The following PTPRM variants were observed in gnomAD, a reference collection of about 807,000 sequenced individuals.
The protein encoded by PTPRM is receptor-type tyrosine-protein phosphatase mu.
In PTPRM, 47 loss-of-function variants were observed where a neutral mutation model predicts 186.7. The observed-to-expected ratio is 0.25, with a 90% CI of 0.20 to 0.32. The LOEUF (loss-of-function observed/expected upper bound fraction) is 0.32, where lower values mean the gene tolerates loss of function less well. Among genes scored for constraint, PTPRM ranks in the 10% least tolerant of loss-of-function variants. The pLI is 1.00. For missense variants in PTPRM, 1,494 were observed against 1,865.0 expected, an observed-to-expected ratio of 0.80 and a Z score of 3.66; for synonymous variants, 668 against 674.9, an observed-to-expected ratio of 0.99 and a Z score of 0.16.
chr18:7,718,715 A>G (rs948066371), intron 1 of PTPRM, among the ~76,000 whole-genome samples: 1 of 152,334 alleles, frequency 6.6e-6, no homozygotes, highest in Admixed American at 6.5e-5. Flanking sequence ...CAAATCAGCC[A>G]GAAAGAAATA....
chr18:7,907,752 A>ATGTGTG (rs112103046), intron 4 of PTPRM, among the ~76,000 whole-genome samples: 3 of 149,668 alleles, frequency 2.0e-5, no homozygotes, highest in Admixed American at 6.7e-5. Context: ...AACACCGCAA[A>ATGTGTG]TGTGTGTGTG....
At chr18:7,671,359 G>A (rs2039214412) in intron 1 of PTPRM, among the ~76,000 whole-genome samples, 1 of 152,152 alleles carries the variant, frequency 6.6e-6, no homozygotes, top group African/African-American at 2.4e-5. Context: ...ACCAGGATGT[G>A]TGCTTTGGTC....
At chr18:8,004,002 G>GC (rs1417883070) in intron 7 of PTPRM, among the ~76,000 whole-genome samples, 2 of 152,134 alleles carry the variant, frequency 1.3e-5, no homozygotes, top group South Asian at 2.1e-4. Flanking sequence ...TTTTCTGATG[G>GC]CCCAGTGTTG....
At chr18:7,588,427 A>G (rs1018694525) in intron 1 of PTPRM, among the ~76,000 whole-genome samples, 2 of 152,174 alleles carry the variant, frequency 1.3e-5, no homozygotes, top group Non-Finnish European at 2.9e-5. Flanking sequence ...AAAAATCACT[A>G]CATAAATATT....
At chr18:7,812,681 CCAACTTCACCAGTGAA>C (rs2044591375) in intron 2 of PTPRM, among the ~76,000 whole-genome samples, 1 of 151,856 alleles carries the variant, frequency 6.6e-6, no homozygotes, top group Non-Finnish European at 1.5e-5. Context: ...TATCTACTTG[CCAACTTCACCAGTGAA>C]TGTTGAAAAC....
intron 5 of PTPRM, among the ~76,000 whole-genome samples, chr18:7,940,088 T>G (rs115140448): frequency 3.3e-5 from 5 of 152,008 alleles, no homozygotes; most frequent in Admixed American, 3.3e-4. Context: ...AGCAAAGGAA[T>G]TGGGGCTGGC....
At chr18:8,394,819 G>C (rs2095837966) in intron 32 of PTPRM, among the ~76,000 whole-genome samples, 1 of 152,186 alleles carries the variant, frequency 6.6e-6, no homozygotes, top group African/African-American at 2.4e-5. Flanking sequence ...TTTGTCTCCA[G>C]CTCATTCGAA....
intron 2 of PTPRM, among the ~76,000 whole-genome samples, chr18:7,844,124 A>T (rs1023645702): frequency 6.6e-6 from 1 of 152,168 alleles, no homozygotes; most frequent in Admixed American, 6.5e-5. Context: ...CACCAAGTTC[A>T]TGTGAAGGGA....
chr18:7,746,074 T>C (rs150673092), intron 1 of PTPRM, among the ~76,000 whole-genome samples: 313 of 152,210 alleles, frequency 2.1e-3, no homozygotes, highest in Middle Eastern at 3.4e-3. Flanking sequence ...ATAAAGGCAA[T>C]GTCTGAAGAG....
At chr18:7,906,791 G>A (rs937782545) in intron 4 of PTPRM, among the ~76,000 whole-genome samples, 1 of 152,182 alleles carries the variant, frequency 6.6e-6, no homozygotes, top group South Asian at 2.1e-4. Context: ...TTAAAATTTG[G>A]TTCAGGAATG....
rs540333591 is a variant in PTPRM, at chr18:7,902,746, T to G, written c.469-3759T>G. Among the ~76,000 whole-genome samples the G allele has an allele frequency of 1.8e-3, 274 of 152,268 alleles. 2 individuals carry two copies. Among genetic ancestry groups the G allele is most frequent in the Middle Eastern group, 0.014 (4 of 294 alleles). On this transcript the variant is annotated intron_variant, in intron 3 of 32. Coordinates refer to ENST00000580170, the MANE Select transcript of PTPRM (RefSeq NM_001105244.2). ...GCTCAGAATTTCTTAGCGTAAAACT[T>G]CTGAGTCATCCATTCTGTGACGCGA...
At chr18:8,085,976 C>G in intron 10 of PTPRM, 104 bp downstream of exon 10, 1 of 1,084,550 alleles carries the variant, frequency 9.2e-7, no homozygotes, top group East Asian at 2.4e-5. Context: ...AACATTGTAT[C>G]CAAAGGAATA....
intron 20 of PTPRM, among the ~76,000 whole-genome samples, chr18:8,302,754 G>A (rs577441152): frequency 6.6e-6 from 1 of 152,056 alleles, no homozygotes; most frequent in East Asian, 1.9e-4. Context: ...ATGGTTAGAT[G>A]GATGATGGGC....
chr18:7,808,448 T>C (rs889849877), intron 2 of PTPRM, among the ~76,000 whole-genome samples: 1 of 152,236 alleles, frequency 6.6e-6, no homozygotes, highest in African/African-American at 2.4e-5. Flanking sequence ...AATCTGTGTC[T>C]TCTTAATTTA....
intron 5 of PTPRM, chr18:7,947,024 C>T: frequency 2.2e-6 from 1 of 456,074 alleles, no homozygotes; most frequent in South Asian, 1.5e-5. Context: ...TTGTGGTTTT[C>T]TAGGGTGGCC....
At chr18:8,036,145 T>G (rs1369668181) in intron 7 of PTPRM, among the ~76,000 whole-genome samples, 2 of 152,220 alleles carry the variant, frequency 1.3e-5, no homozygotes, top group Non-Finnish European at 2.9e-5. Context: ...AGGATCATGA[T>G]AGCTCCTCAC....
chr18:8,160,083 G>A (rs748536738), intron 14 of PTPRM, among the ~76,000 whole-genome samples: 1 of 151,874 alleles, frequency 6.6e-6, no homozygotes, highest in Non-Finnish European at 1.5e-5. Context: ...AGAAAAATGG[G>A]CTCATCACTA....
At chr18:8,215,870 G>A (rs1024106492) in intron 14 of PTPRM, among the ~76,000 whole-genome samples, 1 of 152,104 alleles carries the variant, frequency 6.6e-6, no homozygotes, top group African/African-American at 2.4e-5. Flanking sequence ...GGTTCCTTGA[G>A]ATGCAGAGTA....
chr18:8,136,437 T>C (rs2092640438), intron 13 of PTPRM, among the ~76,000 whole-genome samples: 2 of 152,180 alleles, frequency 1.3e-5, no homozygotes, highest in South Asian at 4.1e-4. Context: ...CATCAATAAA[T>C]GAGGCAGTAA....
Sources: gnomAD v4.1 joint callset for allele counts (sites outside exome capture counted in the v4.1 genomes callset) on GRCh38, gnomAD v4.1.1 for gene constraint, MANE v1.5 for transcripts, NCBI Gene and HGNC (gene_info 2026-07-23, HGNC 2026-07-21) for gene names.